The following PCDH11X variants were observed in gnomAD, a reference collection of about 807,000 sequenced individuals.
PCDH11X encodes protocadherin 11 X-linked, also known as protocadherin-11 X-linked.
PCDH11X carries 18 observed loss-of-function variants against 53.3 expected under a neutral mutation model. The observed-to-expected ratio is 0.34, with a 90% CI of 0.23 to 0.50. The LOEUF (loss-of-function observed/expected upper bound fraction) is 0.50. PCDH11X is among the 20% of genes least tolerant of loss of function. The pLI is 0.98. For missense variants in PCDH11X, 570 were observed against 1,032.4 expected, an observed-to-expected ratio of 0.55 and a Z score of 6.14; for synonymous variants, 279 against 393.3, an observed-to-expected ratio of 0.71 and a Z score of 3.44.
intron 7 of PCDH11X, among the ~76,000 whole-genome samples, chrX:92,215,889 C>T (rs777230735): frequency 1.2e-3 from 135 of 109,719 alleles, no homozygotes; most frequent in African/African-American, 4.2e-3. Context: ...GCAGCATTCG[C>T]GGTTCACGAA....
At chrX:92,124,030 A>C (rs966224193) in intron 6 of PCDH11X, among the ~76,000 whole-genome samples, 2 of 111,272 alleles carry the variant, frequency 1.8e-5, no homozygotes, top group Non-Finnish European at 3.8e-5. Flanking sequence ...TGCCTAGGAC[A>C]CTGCCACACC....
At chrX:92,310,579 G>C (rs1051860588) in intron 8 of PCDH11X, among the ~76,000 whole-genome samples, 9 of 109,920 alleles carry the variant, frequency 8.2e-5, no homozygotes, top group East Asian at 2.9e-4. Context: ...AGTAGAGATG[G>C]GGTTTCACCA....
chrX:92,256,132 G>A (rs1458301532), intron 7 of PCDH11X, among the ~76,000 whole-genome samples: 1 of 112,270 alleles, frequency 8.9e-6, no homozygotes, highest in Non-Finnish European at 1.9e-5. Context: ...ATATAATCTT[G>A]TGGTGCACCG....
intron 6 of PCDH11X, among the ~76,000 whole-genome samples, chrX:91,969,810 A>AAG (rs4022248): frequency 9.4e-6 from 1 of 106,945 alleles, no homozygotes; most frequent in African/African-American, 3.4e-5. Flanking sequence ...AAAAAAAAAA[A>AAG]GGAAAAAAGA....
chrX:92,369,481 C>T (rs2070560668), intron 8 of PCDH11X, among the ~76,000 whole-genome samples: 1 of 111,516 alleles, frequency 9.0e-6, no homozygotes, highest in South Asian at 3.8e-4. Flanking sequence ...AGTGAGACCA[C>T]TTGGCTCCCT....
At chrX:92,549,022 A>G (rs2074909001) in intron 10 of PCDH11X, among the ~76,000 whole-genome samples, 1 of 101,493 alleles carries the variant, frequency 9.9e-6, no homozygotes, top group African/African-American at 3.5e-5. Context: ...AGCCTACACC[A>G]GGTACATCTG....
At chrX:92,406,779 C>T (rs1249038185) in intron 9 of PCDH11X, among the ~76,000 whole-genome samples, 1 of 106,634 alleles carries the variant, frequency 9.4e-6, no homozygotes, top group Non-Finnish European at 1.9e-5. Flanking sequence ...GAAAAAAAAT[C>T]AGCAGGACGT....
intron 9 of PCDH11X, among the ~76,000 whole-genome samples, chrX:92,392,646 A>G (rs138762908): frequency 0.012 from 1,317 of 110,886 alleles, 14 homozygotes; most frequent in African/African-American, 0.041. Context: ...ATCTAATTCT[A>G]AAGGTAGACT....
At chrX:92,420,936 T>G (rs185712634) in intron 9 of PCDH11X, among the ~76,000 whole-genome samples, 1 of 111,418 alleles carries the variant, frequency 9.0e-6, no homozygotes, top group Non-Finnish European at 1.9e-5. Context: ...ATTTTAAAAC[T>G]TCTGAGATTT....
intron 6 of PCDH11X, among the ~76,000 whole-genome samples, chrX:91,898,121 G>T (rs2147779436): frequency 9.0e-6 from 1 of 111,048 alleles, no homozygotes; most frequent in East Asian, 2.8e-4. Context: ...ATAAAAAAAT[G>T]TACATAGCAC....
chrX:92,233,317 C>T (rs2067116511), intron 7 of PCDH11X, among the ~76,000 whole-genome samples: 1 of 111,029 alleles, frequency 9.0e-6, no homozygotes, highest in Non-Finnish European at 1.9e-5. Context: ...CATTACATAA[C>T]ACTCTACATA....
chrX:92,208,536 T>TATATATATATATATATATATATATATAC (rs1408059749), intron 7 of PCDH11X, among the ~76,000 whole-genome samples: 15 of 80,067 alleles, frequency 1.9e-4, no homozygotes, highest in African/African-American at 6.4e-4. Flanking sequence ...TATATATATA[T>TATATATATATATATATATATATATATAC]ACAATTTTTT....
At chrX:92,014,982 A>G (rs2062766057) in intron 6 of PCDH11X, among the ~76,000 whole-genome samples, 1 of 111,260 alleles carries the variant, frequency 9.0e-6, no homozygotes, top group Non-Finnish European at 1.9e-5. Flanking sequence ...ACATGTTTAC[A>G]TATGGAACAA....
At chrX:92,553,077 T>C (rs1301980338) in intron 10 of PCDH11X, among the ~76,000 whole-genome samples, 1 of 107,076 alleles carries the variant, frequency 9.3e-6, no homozygotes, top group African/African-American at 3.4e-5. Context: ...AGGATAATAT[T>C]GGCCTCATAG....
At chrX:92,276,511 G>T (rs1002070984) in intron 8 of PCDH11X, among the ~76,000 whole-genome samples, 1 of 110,388 alleles carries the variant, frequency 9.1e-6, no homozygotes, top group African/African-American at 3.3e-5. Context: ...TCAGATTACT[G>T]GCACTTGTAG....
At chrX:92,481,060 C>T (rs1008382145) in intron 10 of PCDH11X, among the ~76,000 whole-genome samples, 1 of 110,705 alleles carries the variant, frequency 9.0e-6, no homozygotes, top group African/African-American at 3.3e-5. Context: ...TGTGCACCCT[C>T]TATGTGCATT....
intron 6 of PCDH11X, among the ~76,000 whole-genome samples, chrX:92,103,149 G>A (rs1209091020): frequency 9.0e-6 from 1 of 110,617 alleles, no homozygotes; most frequent in Admixed American, 9.7e-5. Flanking sequence ...GAGAAGGGCG[G>A]CAATGAGATG....
intron 5 of PCDH11X, among the ~76,000 whole-genome samples, chrX:91,870,142 A>G (rs1348783594): frequency 8.9e-6 from 1 of 111,746 alleles, no homozygotes; most frequent in Admixed American, 9.6e-5. Flanking sequence ...GATGTGCTTC[A>G]CTGTTCTCGT....
intron 6 of PCDH11X, among the ~76,000 whole-genome samples, chrX:92,022,389 A>G (rs2062900217): frequency 9.2e-6 from 1 of 109,044 alleles, no homozygotes; most frequent in African/African-American, 3.4e-5. Context: ...CCTAGTCTCT[A>G]ACAAAACAGA....
Sources: allele counts gnomAD v4.1 joint callset (sites outside exome capture counted in the v4.1 genomes callset), GRCh38; gene constraint gnomAD v4.1.1; transcripts MANE v1.5; gene names NCBI Gene and HGNC (gene_info 2026-07-23, HGNC 2026-07-21).